Variants in MFHAS1 observed in about 807,000 individuals in gnomAD.
The protein encoded by MFHAS1 is malignant fibrous histiocytoma-amplified sequence 1.
Under a neutral mutation model 70.4 loss-of-function variants are expected in MFHAS1, and 50 were observed. The ratio of observed to expected loss-of-function variants is 0.71; its 90% confidence interval spans 0.57 to 0.90. The LOEUF is 0.90. Among genes scored for constraint, MFHAS1 ranks in the 40% least tolerant of loss-of-function variants. The pLI is 0.00. For synonymous variants in MFHAS1, 952 were observed against 620.0 expected, an observed-to-expected ratio of 1.54 and a Z score of -7.96; for missense variants, 1,795 against 1,347.6, an observed-to-expected ratio of 1.33 and a Z score of -5.20.
intron 1 of MFHAS1, among the ~76,000 whole-genome samples, chr8:8,866,967 C>G (rs867452267): frequency 6.6e-6 from 1 of 152,068 alleles, no homozygotes; most frequent in African/African-American, 2.4e-5. Context: ...GTAATCCCAT[C>G]ATTTGCAAGT....
intron 1 of MFHAS1, among the ~76,000 whole-genome samples, chr8:8,814,669 G>C (rs935891314): frequency 7.9e-5 from 12 of 152,008 alleles, no homozygotes; most frequent in African/African-American, 2.9e-4. Flanking sequence ...AATATGTAAA[G>C]AACTCTGAAA....
intron 1 of MFHAS1, among the ~76,000 whole-genome samples, chr8:8,844,737 T>C (rs566114402): frequency 7.9e-5 from 12 of 152,334 alleles, no homozygotes; most frequent in Non-Finnish European, 1.5e-4. Context: ...CATATTGGAT[T>C]ACTGACCATT....
intron 1 of MFHAS1, among the ~76,000 whole-genome samples, chr8:8,878,868 T>A (rs538020624): frequency 6.6e-6 from 1 of 152,178 alleles, no homozygotes; most frequent in East Asian, 1.9e-4. Context: ...AATATGCTAA[T>A]AGTACAAAAG....
chr8:8,877,562 G>A (rs1809345478), intron 1 of MFHAS1, among the ~76,000 whole-genome samples: 1 of 152,170 alleles, frequency 6.6e-6, no homozygotes, highest in Non-Finnish European at 1.5e-5. Flanking sequence ...CTCTCTGGCT[G>A]ATGTTAGAAT....
At chr8:8,813,094 T>G (rs1001538361) in intron 1 of MFHAS1, among the ~76,000 whole-genome samples, 1 of 152,172 alleles carries the variant, frequency 6.6e-6, no homozygotes, top group Non-Finnish European at 1.5e-5. Context: ...CGAGCAATGG[T>G]AGACCCCACA....
At chr8:8,805,760 T>C (rs1806266648) in intron 1 of MFHAS1, among the ~76,000 whole-genome samples, 2 of 151,946 alleles carry the variant, frequency 1.3e-5, no homozygotes, top group Non-Finnish European at 2.9e-5. Flanking sequence ...TGCAGTGGCA[T>C]GATCTTGGCT....
intron 1 of MFHAS1, among the ~76,000 whole-genome samples, chr8:8,852,768 C>G (rs958076511): frequency 6.6e-6 from 1 of 152,158 alleles, no homozygotes; most frequent in Non-Finnish European, 1.5e-5. Context: ...GAGAAAGCAT[C>G]CCACCATGCA....
chr8:8,807,343 G>T (rs959687483), intron 1 of MFHAS1, among the ~76,000 whole-genome samples: 1 of 152,026 alleles, frequency 6.6e-6, no homozygotes, highest in Admixed American at 6.6e-5. Context: ...GGCCCATTCA[G>T]ATTCCAAAGA....
chr8:8,809,638 T>G (rs1341697355), intron 1 of MFHAS1, among the ~76,000 whole-genome samples: 1 of 152,178 alleles, frequency 6.6e-6, no homozygotes, highest in Non-Finnish European at 1.5e-5. Context: ...TATTTCCCCT[T>G]TTCCTGCTCT....
intron 1 of MFHAS1, among the ~76,000 whole-genome samples, chr8:8,885,102 C>T (rs575453312): frequency 5.0e-4 from 76 of 152,258 alleles, no homozygotes; most frequent in Non-Finnish European, 7.9e-4. Flanking sequence ...TATATCATGA[C>T]GCAACCAAAC....
At chr8:8,870,290 CAAAAAAAAAAAA>C (rs61229252) in intron 1 of MFHAS1, among the ~76,000 whole-genome samples, 68,499 of 113,492 alleles carry the variant, frequency 0.6, 17,000 homozygotes, top group East Asian at 0.87. Flanking sequence ...CCTGTCTCTA[CAAAAAAAAAAAA>C]AAAAAAAAAA....
At chr8:8,871,704 A>T (rs535635155) in intron 1 of MFHAS1, among the ~76,000 whole-genome samples, 24 of 152,340 alleles carry the variant, frequency 1.6e-4, no homozygotes, top group Non-Finnish European at 2.8e-4. Flanking sequence ...AGGGAGGCCA[A>T]GTGGCTTCCC....
chr8:8,888,843 T>C (rs1047773556), intron 1 of MFHAS1, among the ~76,000 whole-genome samples: 3 of 152,168 alleles, frequency 2.0e-5, no homozygotes, highest in Admixed American at 1.3e-4. Flanking sequence ...GTGTAAACTA[T>C]GACCTTTGGC....
At chr8:8,795,713 C>A (rs1805869368) in intron 2 of MFHAS1, among the ~76,000 whole-genome samples, 1 of 152,138 alleles carries the variant, frequency 6.6e-6, no homozygotes, top group Non-Finnish European at 1.5e-5. Flanking sequence ...TTGCAGGGAG[C>A]ACACCAAAGG....
intron 1 of MFHAS1, among the ~76,000 whole-genome samples, chr8:8,859,199 A>T (rs1808568779): frequency 6.6e-6 from 1 of 152,166 alleles, no homozygotes; most frequent in African/African-American, 2.4e-5. Flanking sequence ...CAAAAATTAC[A>T]TGGGTGTAGT....
chr8:8,870,711 C>A (rs756513919), intron 1 of MFHAS1, among the ~76,000 whole-genome samples: 2 of 152,074 alleles, frequency 1.3e-5, no homozygotes, highest in Non-Finnish European at 2.9e-5. Flanking sequence ...AGATCTTTTT[C>A]TCCTGGAATT....
intron 1 of MFHAS1, among the ~76,000 whole-genome samples, chr8:8,867,718 C>A (rs969259754): frequency 6.6e-6 from 1 of 151,970 alleles, no homozygotes; most frequent in African/African-American, 2.4e-5. Context: ...CCACCACACC[C>A]GGCTAATTTT....
chr8:8,854,446 G>A (rs1011457370), intron 1 of MFHAS1, among the ~76,000 whole-genome samples: 5 of 152,026 alleles, frequency 3.3e-5, no homozygotes, highest in African/African-American at 7.3e-5. Flanking sequence ...GAGTGAACCC[G>A]GGAGGCCGTA....
chr8:8,887,403 G>C (rs897105700), intron 1 of MFHAS1, among the ~76,000 whole-genome samples: 1 of 151,358 alleles, frequency 6.6e-6, no homozygotes, highest in East Asian at 1.9e-4. Context: ...AATGTTTTTT[G>C]CATCTTCTTA....
Sources: gnomAD v4.1 joint callset for allele counts (sites outside exome capture counted in the v4.1 genomes callset) on GRCh38, gnomAD v4.1.1 for gene constraint, MANE v1.5 for transcripts, NCBI Gene and HGNC (gene_info 2026-07-23, HGNC 2026-07-21) for gene names.